The following KLF8 variants were observed in gnomAD, a reference collection of about 807,000 sequenced individuals.
KLF8 encodes Krueppel-like factor 8.
Under a neutral mutation model 18.2 loss-of-function variants are expected in KLF8, and 10 were observed. That is an observed-to-expected ratio of 0.55 (90% CI 0.34 to 0.93). KLF8 has a LOEUF of 0.93. Among genes scored for constraint, KLF8 ranks in the 40% least tolerant of loss-of-function variants. The pLI is 0.02. For missense variants in KLF8, 264 were observed against 277.9 expected (o/e 0.95, Z 0.36); for synonymous variants, 109 against 97.3 (o/e 1.12, Z -0.71).
At chrX:56,005,754 A>C in the KLF8 span, among the ~76,000 whole-genome samples, 1 of 111,881 alleles carries the variant, frequency 8.9e-6, no homozygotes, top group African/African-American at 3.2e-5. Context: ...CTGGCAGAGA[A>C]GTTGGTGGGT....
the KLF8 span, chrX:55,961,369 G>A: frequency 3.8e-5 from 18 of 473,784 alleles, no homozygotes; most frequent in African/African-American, 1.2e-4. Flanking sequence ...GAGGGACACC[G>A]ATAGCAAAAA....
At chrX:56,062,481 T>A in the KLF8 span, among the ~76,000 whole-genome samples, 1 of 112,002 alleles carries the variant, frequency 8.9e-6, no homozygotes, top group African/African-American at 3.2e-5. Context: ...GGATTGAAAA[T>A]TCTTTTCTTT....
chrX:56,265,773 C>T (rs757576889), intron 3 of KLF8, 29 bp downstream of exon 3: 1 of 1,175,218 alleles, frequency 8.5e-7, no homozygotes, highest in South Asian at 1.9e-5. Context: ...TCTTTCCTGG[C>T]CTTCCTGAAT....
chrX:56,158,376 C>G, the KLF8 span, among the ~76,000 whole-genome samples: 3 of 111,805 alleles, frequency 2.7e-5, no homozygotes, highest in South Asian at 1.1e-3. Context: ...AACGCGAGCT[C>G]TTTTTTGGTT....
chrX:56,049,909 G>A, the KLF8 span, among the ~76,000 whole-genome samples: 3 of 108,015 alleles, frequency 2.8e-5, no homozygotes, highest in African/African-American at 1.0e-4. Context: ...GACTCTTTTT[G>A]GTTGGTAAGC....
At chrX:56,010,475 A>G in the KLF8 span, among the ~76,000 whole-genome samples, 1 of 112,155 alleles carries the variant, frequency 8.9e-6, no homozygotes, top group Non-Finnish European at 1.9e-5. Flanking sequence ...CTAAATATGG[A>G]AAGGAAAAGC....
chrX:56,026,999 A>T, the KLF8 span, among the ~76,000 whole-genome samples: 1 of 112,656 alleles, frequency 8.9e-6, no homozygotes, highest in African/African-American at 3.2e-5. Flanking sequence ...TTTTAGCTAG[A>T]GCTGGCAAGT....
chrX:56,118,440 T>C, the KLF8 span, among the ~76,000 whole-genome samples: 1 of 111,517 alleles, frequency 9.0e-6, no homozygotes. Flanking sequence ...TTATCATTAC[T>C]ATTTGTATTA....
At chrX:56,270,092 G>T in intron 4 of KLF8, 90 bp from the exon 5 acceptor site, 2 of 887,960 alleles carry the variant, frequency 2.3e-6, no homozygotes, top group Admixed American at 6.2e-5. Context: ...ATTAAAAGCC[G>T]ATATGATGTG....
At chrX:55,941,922 T>A in the KLF8 span, among the ~76,000 whole-genome samples, 5 of 111,547 alleles carry the variant, frequency 4.5e-5, no homozygotes, top group Non-Finnish European at 7.5e-5. Flanking sequence ...GTTGGTGGGA[T>A]TGTAAACTAG....
At chrX:56,163,833 C>T in the KLF8 span, among the ~76,000 whole-genome samples, 20 of 112,027 alleles carry the variant, frequency 1.8e-4, no homozygotes, top group African/African-American at 6.1e-4. Context: ...CCAGTTATCC[C>T]AGCACCACTT....
intron 2 of KLF8, among the ~76,000 whole-genome samples, chrX:56,259,098 G>A (rs1469581769): frequency 1.8e-5 from 2 of 111,226 alleles, no homozygotes; most frequent in Admixed American, 9.6e-5. Flanking sequence ...TGGTCAAAAT[G>A]TATGAGCAGT....
chrX:56,217,960 TA>T, the KLF8 span, among the ~76,000 whole-genome samples: 1 of 110,644 alleles, frequency 9.0e-6, no homozygotes, highest in Non-Finnish European at 1.9e-5. Context: ...GTGGAATCAC[TA>T]CTGGGGATGG....
chrX:56,186,846 A>T, the KLF8 span, among the ~76,000 whole-genome samples: 1 of 112,231 alleles, frequency 8.9e-6, no homozygotes, highest in Admixed American at 9.5e-5. Flanking sequence ...AAGACACAAC[A>T]TACCAGAATC....
the KLF8 span, among the ~76,000 whole-genome samples, chrX:56,080,941 C>T: frequency 1.3e-4 from 14 of 111,154 alleles, no homozygotes; most frequent in East Asian, 1.4e-3. Context: ...TTGATTGCAT[C>T]GGCTCCTGAG....
the KLF8 span, among the ~76,000 whole-genome samples, chrX:56,047,208 G>A: frequency 5.8e-4 from 30 of 51,807 alleles, no homozygotes; most frequent in Non-Finnish European, 1.1e-3. Flanking sequence ...ATTTCCAGAA[G>A]TTGTGATGTT....
chrX:55,990,022 T>C, the KLF8 span, among the ~76,000 whole-genome samples: 3 of 111,885 alleles, frequency 2.7e-5, no homozygotes, highest in South Asian at 1.1e-3. Context: ...TGATGGTAGT[T>C]TGTATTTCTG....
the KLF8 span, among the ~76,000 whole-genome samples, chrX:56,106,362 G>C: frequency 8.9e-6 from 1 of 112,071 alleles, no homozygotes; most frequent in East Asian, 2.8e-4. Flanking sequence ...CCAATCAGAC[G>C]TAGAGTTGGT....
chrX:55,965,054 G>A, the KLF8 span, among the ~76,000 whole-genome samples: 1 of 111,335 alleles, frequency 9.0e-6, no homozygotes, highest in Non-Finnish European at 1.9e-5. Flanking sequence ...TTCATTCTAT[G>A]AGGCCAGAAT....
Sources: allele counts gnomAD v4.1 joint callset (sites outside exome capture counted in the v4.1 genomes callset), GRCh38; gene constraint gnomAD v4.1.1; transcripts MANE v1.5; gene names NCBI Gene and HGNC (gene_info 2026-07-23, HGNC 2026-07-21).